DPP6: variants seen among roughly 807,000 people sequenced by gnomAD.
DPP6 encodes A-type potassium channel modulatory protein DPP6.
DPP6 carries 69 observed loss-of-function variants against 122.6 expected under a neutral mutation model. The ratio of observed to expected loss-of-function variants is 0.56; its 90% CI spans 0.46 to 0.69. The LOEUF (loss-of-function observed/expected upper bound fraction) is 0.69. DPP6 is among the 30% of genes least tolerant of loss of function. DPP6 has a pLI of 0.00. For synonymous variants in DPP6, 418 were observed against 433.1 expected (o/e 0.97, Z 0.43); for missense variants, 928 against 1,116.9 (o/e 0.83, Z 2.41).
At chr7:154,467,244 A>C (rs1821864807) in intron 2 of DPP6, among the ~76,000 whole-genome samples, 1 of 152,106 alleles carries the variant, frequency 6.6e-6, no homozygotes, top group South Asian at 2.1e-4. Context: ...TTTTATAAGC[A>C]TGTTTTCTGC....
At chr7:154,888,910 C>A (rs998139100) in intron 23 of DPP6, among the ~76,000 whole-genome samples, 4 of 152,164 alleles carry the variant, frequency 2.6e-5, no homozygotes, top group African/African-American at 7.2e-5. Flanking sequence ...AAAGCATGTG[C>A]AGGGAAACTC....
At chr7:154,620,237 T>C (rs1834550083) in intron 5 of DPP6, among the ~76,000 whole-genome samples, 1 of 152,230 alleles carries the variant, frequency 6.6e-6, no homozygotes, top group South Asian at 2.1e-4. Context: ...AGTGTAAATA[T>C]GGAAAGATTC....
chr7:153,860,982 T>A, the DPP6 span, among the ~76,000 whole-genome samples: 2 of 152,266 alleles, frequency 1.3e-5, no homozygotes, highest in South Asian at 4.1e-4. Context: ...AAGTAGCAGG[T>A]GTTGTGAAAT....
intron 1 of DPP6, among the ~76,000 whole-genome samples, chr7:154,184,306 G>A (rs958778477): frequency 6.6e-6 from 1 of 151,756 alleles, no homozygotes; most frequent in Non-Finnish European, 1.5e-5. Flanking sequence ...TTTTCCCCTG[G>A]GAGGCTGAGT....
the DPP6 span, among the ~76,000 whole-genome samples, chr7:153,774,812 T>A: frequency 1.3e-5 from 2 of 151,946 alleles, no homozygotes; most frequent in Non-Finnish European, 2.9e-5. Context: ...GAAAAATTTT[T>A]AAGTTAACTG....
At chr7:154,234,890 G>A (rs192101860) in intron 1 of DPP6, among the ~76,000 whole-genome samples, 7 of 152,206 alleles carry the variant, frequency 4.6e-5, no homozygotes, top group South Asian at 2.1e-4. Context: ...GAACAGAGCC[G>A]GCCCTGGGAG....
chr7:153,933,929 C>T (rs188229986), intron 1 of DPP6, among the ~76,000 whole-genome samples: 1 of 152,302 alleles, frequency 6.6e-6, no homozygotes, highest in East Asian at 1.9e-4. Context: ...TCGTGGATCG[C>T]GTGGGAACAC....
intron 1 of DPP6, among the ~76,000 whole-genome samples, chr7:153,980,049 G>A (rs1390394058): frequency 1.3e-5 from 2 of 152,130 alleles, no homozygotes; most frequent in African/African-American, 4.8e-5. Context: ...TCAGGATGAT[G>A]CTGGCCTCAA....
At chr7:154,860,251 C>T (rs1803264033) in intron 17 of DPP6, among the ~76,000 whole-genome samples, 1 of 152,180 alleles carries the variant, frequency 6.6e-6, no homozygotes, top group Admixed American at 6.5e-5. Context: ...CACAGCTCCC[C>T]TTCCATCAAG....
chr7:154,559,732 G>A (rs114968666), intron 4 of DPP6, among the ~76,000 whole-genome samples: 3,808 of 151,854 alleles, frequency 0.025, 63 homozygotes, highest in African/African-American at 0.041. Flanking sequence ...TCAGTCTACA[G>A]TTCTACACAC....
chr7:154,347,551 A>T (rs964058041), intron 1 of DPP6, among the ~76,000 whole-genome samples: 4 of 152,262 alleles, frequency 2.6e-5, no homozygotes, highest in African/African-American at 9.6e-5. Flanking sequence ...AGGGAAAACT[A>T]AATTTACTTA....
intron 1 of DPP6, among the ~76,000 whole-genome samples, chr7:154,421,498 G>C (rs780596699): frequency 6.6e-6 from 1 of 151,790 alleles, no homozygotes; most frequent in African/African-American, 2.4e-5. Context: ...AACTTTTTGT[G>C]TTTTTAGTAG....
At chr7:154,069,591 C>T (rs62485611) in intron 1 of DPP6, among the ~76,000 whole-genome samples, 44,623 of 151,160 alleles carry the variant, frequency 0.3, 6,652 homozygotes, top group East Asian at 0.44. Context: ...TGTCATGGAC[C>T]ATTGGTTATT....
At position 154,676,785 on chromosome 7, in the gene DPP6, T is replaced by G. The variant is rs1838939681; in HGVS notation, c.762+7344T>G. ...CCAGAACAAAGAAAACGAGTCCCTT[T>G]TAAGCATTTTGAGGCAGGAACTACG... On this transcript the variant is annotated intron_variant, in intron 7 of 25. Transcript: ENST00000377770. Among the ~76,000 whole-genome samples, 4 of 152,242 alleles carry G rather than the reference T, an allele frequency of 2.6e-5. No individual in the cohort carries two copies. The South Asian group carries it at 8.3e-4, about 32-fold the overall frequency.
chr7:154,115,356 G>A (rs1361062347), intron 1 of DPP6, among the ~76,000 whole-genome samples: 4 of 152,220 alleles, frequency 2.6e-5, no homozygotes, highest in African/African-American at 9.7e-5. Flanking sequence ...AGCCAAACAA[G>A]ATGAATTTTG....
intron 1 of DPP6, among the ~76,000 whole-genome samples, chr7:154,260,776 A>G (rs1802966251): frequency 6.7e-6 from 1 of 149,246 alleles, no homozygotes. Context: ...GCAATTGTGA[A>G]TTGTGCTGCT....
At chr7:154,668,197 T>TTATATATATATATATGTGTGTA (rs1838291243) in intron 6 of DPP6, among the ~76,000 whole-genome samples, 1 of 36,470 alleles carries the variant, frequency 2.7e-5, no homozygotes, top group Non-Finnish European at 7.7e-5. Context: ...TGTGTATATT[T>TTATATATATATATATGTGTGTA]TATATATATA....
the DPP6 span, among the ~76,000 whole-genome samples, chr7:153,847,464 G>T: frequency 6.6e-6 from 1 of 152,102 alleles, no homozygotes; most frequent in Admixed American, 6.5e-5. Flanking sequence ...TGCATATATA[G>T]CATTTTTGTA....
intron 3 of DPP6, among the ~76,000 whole-genome samples, chr7:154,539,491 G>A (rs1375654575): frequency 6.6e-6 from 1 of 152,080 alleles, no homozygotes; most frequent in Non-Finnish European, 1.5e-5. Context: ...GTACGGTGGG[G>A]GGCAGGGGGA....
Sources: allele counts gnomAD v4.1 joint callset (sites outside exome capture counted in the v4.1 genomes callset), GRCh38; gene constraint gnomAD v4.1.1; transcripts MANE v1.5; gene names NCBI Gene and HGNC (gene_info 2026-07-23, HGNC 2026-07-21).